The following PARP11 variants were observed in gnomAD, a reference collection of about 807,000 sequenced individuals.
PARP11 encodes poly(ADP-ribose) polymerase family member 11, also known as protein mono-ADP-ribosyltransferase PARP11.
Under a neutral mutation model 42.9 loss-of-function variants are expected in PARP11, and 31 were observed. That is an observed-to-expected ratio of 0.72 (90% CI 0.54 to 0.98). The LOEUF (loss-of-function observed/expected upper bound fraction) is 0.98, where lower values mean the gene tolerates loss of function less well. Among genes scored for constraint, PARP11 ranks in the 50% least tolerant of loss-of-function variants. The pLI is 0.00. For missense variants in PARP11, 365 were observed against 413.1 expected (o/e 0.88, Z 1.01); for synonymous variants, 137 against 127.3 (o/e 1.08, Z -0.51).
At chr12:3,838,498 T>TA (rs1947809593) in intron 1 of PARP11, among the ~76,000 whole-genome samples, 1 of 151,916 alleles carries the variant, frequency 6.6e-6, no homozygotes, top group Non-Finnish European at 1.5e-5. Flanking sequence ...ATCAAAAAAG[T>TA]ACACTTCTAA....
intron 1 of PARP11, among the ~76,000 whole-genome samples, chr12:3,831,565 T>C (rs1400252604): frequency 6.6e-6 from 1 of 152,194 alleles, no homozygotes; most frequent in Non-Finnish European, 1.5e-5. Flanking sequence ...GACAATGTTA[T>C]AAATGAACGA....
chr12:3,814,186 T>TTA lies in PARP11; in HGVS notation c.550_551insTA (p.Lys184IlefsTer41). 1 of 1,599,062 alleles carries TTA rather than the reference T, an allele frequency of 6.3e-7. No individual in the cohort carries two copies. Among genetic ancestry groups the TTA allele is most frequent in the Non-Finnish European group, 8.5e-7 (1 of 1,170,458 alleles). On this transcript the variant is annotated frameshift_variant and splice_region_variant, in exon 7 of 8. Transcript: ENST00000228820. LOFTEE classifies it high-confidence loss of function. Reference sequence around the variant, plus strand: ...TCTTTTTTTCTTGAGCTGAGCCTTTTTCCTAAAAACACAATATACACAGAC... The same window carrying TTA: ...TCTTTTTTTCTTGAGCTGAGCCTTTTTATCCTAAAAACACAATATACACAGAC...
At chr12:3,828,798 A>G in intron 3 of PARP11, 112 bp downstream of exon 3, 1 of 916,968 alleles carries the variant, frequency 1.1e-6, no homozygotes, top group Admixed American at 2.7e-5. Context: ...ATATAACAAA[A>G]AAGATATACT....
intron 6 of PARP11, among the ~76,000 whole-genome samples, chr12:3,818,134 C>T (rs1305073329): frequency 6.6e-6 from 1 of 152,172 alleles, no homozygotes; most frequent in Non-Finnish European, 1.5e-5. Flanking sequence ...TTTAGCTAAG[C>T]CCTCAACGCT....
chr12:3,861,517 T>C lies in PARP11; in HGVS notation c.18+11695A>G, dbSNP rs937625901. On this transcript the variant is annotated intron_variant, in intron 1 of 7. Transcript: ENST00000228820. The surrounding 1 kb of genome is among the most constrained non-coding windows in gnomAD (Gnocchi z 4.6). The stretch of plus-strand genomic sequence containing the variant: ...CATATCTTTAGCTCACTTTAAAAAA[T>C]TGAGTTCCTTCTCTTGAGATTTCAG... 1.3e-5 allele frequency among the ~76,000 whole-genome samples: 2 copies of C among 152,232 alleles called. No homozygotes were observed. The highest frequency in any genetic ancestry group is 2.9e-5 in the Non-Finnish European group (2 of 68,044).
intron 1 of PARP11, among the ~76,000 whole-genome samples, chr12:3,864,109 C>CT (rs976244107): frequency 6.6e-6 from 1 of 152,172 alleles, no homozygotes; most frequent in Admixed American, 6.6e-5. Flanking sequence ...GAGCAAGTTC[C>CT]TTTCTATTCC....
chr12:3,856,220 A>T (rs1055421981), intron 1 of PARP11, among the ~76,000 whole-genome samples: 46 of 152,368 alleles, frequency 3.0e-4, no homozygotes, highest in African/African-American at 9.4e-4. Flanking sequence ...ATGGGCAAGG[A>T]CTTCATGACT....
chr12:3,870,575 T>C (rs759277155), intron 1 of PARP11, among the ~76,000 whole-genome samples: 6 of 152,240 alleles, frequency 3.9e-5, no homozygotes, highest in Non-Finnish European at 5.9e-5. Context: ...AAATTCATAG[T>C]AGGAGCAAAG....
At chr12:3,862,720 C>T (rs1948318427) in intron 1 of PARP11, among the ~76,000 whole-genome samples, 2 of 151,864 alleles carry the variant, frequency 1.3e-5, no homozygotes, top group Admixed American at 6.6e-5. Flanking sequence ...CCCACTGAAT[C>T]GTACCTTTTA....
chr12:3,814,798 T>A (rs1338438808), intron 6 of PARP11, among the ~76,000 whole-genome samples: 1 of 146,514 alleles, frequency 6.8e-6, no homozygotes, highest in African/African-American at 2.6e-5. Context: ...ATGAATATAG[T>A]CATGTATTTA....
At chr12:3,857,968 A>T (rs1232150124) in intron 1 of PARP11, among the ~76,000 whole-genome samples, 1 of 152,214 alleles carries the variant, frequency 6.6e-6, no homozygotes. Flanking sequence ...AAAGTTTTCA[A>T]AAGTAGTTTA....
intron 4 of PARP11, chr12:3,824,586 C>T: frequency 1.0e-6 from 1 of 957,600 alleles, no homozygotes; most frequent in Middle Eastern, 5.4e-4. Flanking sequence ...CTTACCTAAA[C>T]AGTCCTCTCC....
intron 1 of PARP11, among the ~76,000 whole-genome samples, chr12:3,843,706 T>G (rs568062305): frequency 6.6e-6 from 1 of 152,360 alleles, no homozygotes; most frequent in South Asian, 2.1e-4. Flanking sequence ...TCCCTTTGCA[T>G]GTTGTACTCT....
intron 1 of PARP11, among the ~76,000 whole-genome samples, chr12:3,835,460 C>T (rs7135946): frequency 0.99 from 151,154 of 152,278 alleles, 75,035 homozygotes; most frequent in Middle Eastern, 1. Context: ...ATATCCAGTT[C>T]TCAACAAAAA....
At chr12:3,815,012 A>G (rs1335111770) in intron 6 of PARP11, 1 of 456,488 alleles carries the variant, frequency 2.2e-6, no homozygotes, top group Non-Finnish European at 4.4e-6. Flanking sequence ...AGGAGGAAAG[A>G]AGGAGAGTAG....
At chr12:3,863,548 C>A (rs78843406) in intron 1 of PARP11, among the ~76,000 whole-genome samples, 1 of 152,060 alleles carries the variant, frequency 6.6e-6, no homozygotes, top group Admixed American at 6.6e-5. Flanking sequence ...CTAGGACTCA[C>A]AAGACTCAAA....
intron 4 of PARP11, among the ~76,000 whole-genome samples, chr12:3,823,558 C>T (rs536887217): frequency 1.3e-5 from 2 of 152,278 alleles, no homozygotes; most frequent in South Asian, 4.1e-4. Flanking sequence ...TACAGACGCA[C>T]AGAACTCCGC....
chr12:3,842,577 TA>T, intron 1 of PARP11: 1 of 1,195,726 alleles, frequency 8.4e-7, no homozygotes, highest in Non-Finnish European at 1.2e-6. Context: ...CTGAAGGCTT[TA>T]AAAAACTACA....
At chr12:3,822,689 A>G (rs762836943) in intron 4 of PARP11, among the ~76,000 whole-genome samples, 7 of 151,844 alleles carry the variant, frequency 4.6e-5, no homozygotes, top group Admixed American at 3.9e-4. Context: ...ATCCAACCCT[A>G]TATATCATAA....
Sources: gnomAD v4.1 joint callset for allele counts (sites outside exome capture counted in the v4.1 genomes callset) on GRCh38, gnomAD v4.1.1 for gene constraint, Gnocchi (gnomAD v3.1) non-coding constraint, MANE v1.5 for transcripts, NCBI Gene and HGNC (gene_info 2026-07-23, HGNC 2026-07-21) for gene names.